Variants in THSD4 observed in about 807,000 individuals in gnomAD.
The protein encoded by THSD4 is thrombospondin type 1 domain containing 4.
A neutral mutation model predicts 119.0 loss-of-function variants in THSD4; 69 were observed. That is an observed-to-expected ratio of 0.58 (90% CI 0.48 to 0.71). The LOEUF (loss-of-function observed/expected upper bound fraction) is 0.71, where lower values mean the gene tolerates loss of function less well. Among genes scored for constraint, THSD4 ranks in the 30% least tolerant of loss-of-function variants. The pLI is 0.00. For missense variants in THSD4, 1,393 were observed against 1,391.1 expected (o/e 1.00, Z -0.02); for synonymous variants, 524 against 540.4 (o/e 0.97, Z 0.42).
chr15:71,279,415 A>G (rs947810217), intron 6 of THSD4, among the ~76,000 whole-genome samples: 2 of 152,180 alleles, frequency 1.3e-5, no homozygotes, highest in Non-Finnish European at 2.9e-5. Flanking sequence ...TGGAGGTTGT[A>G]TAAATAGTGT....
rs1399769089 is a variant in THSD4 at position 71,589,966 on chromosome 15, A to G, written c.1153-70564A>G. Among the ~76,000 whole-genome samples the G allele has an allele frequency of 2.1e-5, 3 of 139,966 alleles. 1 individual carries two copies. The highest frequency in any genetic ancestry group is 7.2e-5 in the Admixed American group (1 of 13,890). The allele number at this position is 139,966 out of a possible 152,430, so 91.8% of individuals were successfully genotyped here. A position where few individuals can be genotyped will look rare whatever the true frequency, so the allele number is the denominator to read the frequency against. ...ATGGTTTCTGAATTATAAATGTACTATATCATTTACAGAAACTTTTTAAAA... is the reference window on the plus strand; with the variant it reads ...ATGGTTTCTGAATTATAAATGTACTGTATCATTTACAGAAACTTTTTAAAA... On this transcript the variant is annotated intron_variant, in intron 7 of 17. Transcript: ENST00000261862.
At chr15:71,621,444 C>A (rs902778293) in intron 7 of THSD4, among the ~76,000 whole-genome samples, 3 of 151,912 alleles carry the variant, frequency 2.0e-5, no homozygotes, top group African/African-American at 7.3e-5. Flanking sequence ...TAACTTTATT[C>A]CAGTTATTTG....
intron 6 of THSD4, among the ~76,000 whole-genome samples, chr15:71,279,852 TACAA>T (rs1468787853): frequency 6.6e-6 from 1 of 151,964 alleles, no homozygotes; most frequent in Non-Finnish European, 1.5e-5. Context: ...TTTTGTTCTG[TACAA>T]ACAGTGGCCT....
At chr15:71,232,987 AG>A (rs1166748629) in intron 4 of THSD4, among the ~76,000 whole-genome samples, 1 of 152,144 alleles carries the variant, frequency 6.6e-6, no homozygotes, top group African/African-American at 2.4e-5. Flanking sequence ...ATCACTGAAA[AG>A]ATTGGACTGG....
chr15:71,479,601 T>C (rs1329740370), intron 7 of THSD4, among the ~76,000 whole-genome samples: 1 of 152,122 alleles, frequency 6.6e-6, no homozygotes, highest in Non-Finnish European at 1.5e-5. Flanking sequence ...ACAGACAAAT[T>C]TGGGGAAGAA....
At chr15:71,340,603 CTT>C (rs780712768) in intron 6 of THSD4, among the ~76,000 whole-genome samples, 20 of 115,188 alleles carry the variant, frequency 1.7e-4, no homozygotes, top group South Asian at 2.8e-4. Flanking sequence ...CATCCAGAGA[CTT>C]TTTTTTTTTT....
intron 8 of THSD4, among the ~76,000 whole-genome samples, chr15:71,683,712 C>T (rs1040643001): frequency 3.9e-5 from 6 of 152,188 alleles, no homozygotes; most frequent in Non-Finnish European, 1.5e-5. Context: ...CAGTGGCTTA[C>T]ACCTGTAATC....
At chr15:71,640,086 CT>C (rs2050826317) in intron 7 of THSD4, among the ~76,000 whole-genome samples, 1 of 151,870 alleles carries the variant, frequency 6.6e-6, no homozygotes, top group Admixed American at 6.6e-5. Flanking sequence ...TTTTTTGCAA[CT>C]TTCTTTTTCT....
At chr15:71,326,318 T>C (rs972417632) in intron 6 of THSD4, among the ~76,000 whole-genome samples, 9 of 152,186 alleles carry the variant, frequency 5.9e-5, no homozygotes, top group Admixed American at 5.9e-4. Flanking sequence ...AGAGTGTTGC[T>C]GGTCCAGAGT....
chr15:71,530,492 G>A (rs2048591384), intron 7 of THSD4, among the ~76,000 whole-genome samples: 1 of 152,108 alleles, frequency 6.6e-6, no homozygotes, highest in Non-Finnish European at 1.5e-5. Context: ...TTGGGTGTGA[G>A]TTTTTATGAC....
chr15:71,285,853 C>CAAAAAAAAAAAAAAAAAAA, intron 6 of THSD4, among the ~76,000 whole-genome samples: 1 of 67,384 alleles, frequency 1.5e-5, no homozygotes, highest in Non-Finnish European at 2.6e-5. Context: ...GACTCCGTCT[C>CAAAAAAAAAAAAAAAAAAA]AAAAAAAAAA....
chr15:71,487,243 A>T (rs1294724291), intron 7 of THSD4, among the ~76,000 whole-genome samples: 1 of 152,232 alleles, frequency 6.6e-6, no homozygotes, highest in Non-Finnish European at 1.5e-5. Flanking sequence ...TATTCTATCC[A>T]ACTTATCTCT....
chr15:71,628,520 G>A (rs773064475), intron 7 of THSD4, among the ~76,000 whole-genome samples: 1 of 152,182 alleles, frequency 6.6e-6, no homozygotes, highest in Non-Finnish European at 1.5e-5. Context: ...GACCAGGGCT[G>A]CTCACCCTTT....
At chr15:71,707,583 T>C (rs917726518) in intron 8 of THSD4, among the ~76,000 whole-genome samples, 8 of 152,240 alleles carry the variant, frequency 5.3e-5, no homozygotes, top group Non-Finnish European at 1.2e-4. Flanking sequence ...CTACGATAAT[T>C]TTCCTGGATT....
intron 7 of THSD4, among the ~76,000 whole-genome samples, chr15:71,567,985 CTCTT>C (rs1567041055): frequency 6.6e-6 from 1 of 152,178 alleles, no homozygotes; most frequent in East Asian, 1.9e-4. Flanking sequence ...CCTTCTGCCT[CTCTT>C]TCTTTGTATA....
chr15:71,758,993 A>G (rs1439872842), intron 15 of THSD4, among the ~76,000 whole-genome samples: 1 of 152,132 alleles, frequency 6.6e-6, no homozygotes, highest in Non-Finnish European at 1.5e-5. Flanking sequence ...AAGAAAAAAA[A>G]CAGCCTTTTT....
At chr15:71,732,641 A>C (rs1278184339) in intron 10 of THSD4, 1 of 152,250 alleles carries the variant, frequency 6.6e-6, no homozygotes, top group African/African-American at 2.4e-5. Flanking sequence ...AGAGGGAGGT[A>C]CTTGGAGGGA....
At chr15:71,765,409 T>G (rs1451544929) in intron 16 of THSD4, among the ~76,000 whole-genome samples, 2 of 152,158 alleles carry the variant, frequency 1.3e-5, no homozygotes, top group African/African-American at 4.8e-5. Flanking sequence ...TTCTAAACTG[T>G]AGAAACAGTG....
chr15:71,684,216 AT>A (rs2051858608), intron 8 of THSD4, among the ~76,000 whole-genome samples: 1 of 152,080 alleles, frequency 6.6e-6, no homozygotes, highest in Admixed American at 6.5e-5. Context: ...GGGTTTTTTT[AT>A]ATTTACCTCT....
Sources: gnomAD v4.1 joint callset for allele counts (sites outside exome capture counted in the v4.1 genomes callset) on GRCh38, gnomAD v4.1.1 for gene constraint, MANE v1.5 for transcripts, NCBI Gene and HGNC (gene_info 2026-07-23, HGNC 2026-07-21) for gene names.